The following ZFYVE26 variants were observed in gnomAD, a reference collection of about 807,000 sequenced individuals.
The protein encoded by ZFYVE26 is zinc finger FYVE domain-containing protein 26.
ZFYVE26 carries 181 observed loss-of-function variants against 276.5 expected under a neutral mutation model. The ratio of observed to expected loss-of-function variants is 0.65; its 90% CI spans 0.58 to 0.74. The LOEUF (loss-of-function observed/expected upper bound fraction) is 0.74. ZFYVE26 is among the 30% of genes least tolerant of loss of function. The pLI, the probability that ZFYVE26 is intolerant of heterozygous loss-of-function variation, is 0.00. For synonymous variants in ZFYVE26, 1,129 were observed against 1,203.1 expected (o/e 0.94, Z 1.27); for missense variants, 2,821 against 3,097.9 (o/e 0.91, Z 2.12).
At chr14:67,762,114 A>G (rs2038947143) in intron 34 of ZFYVE26, 89 bp downstream of exon 34, 1 of 1,484,592 alleles carries the variant, frequency 6.7e-7, no homozygotes, top group East Asian at 2.3e-5. Flanking sequence ...TGACACTGTT[A>G]GCTGAATTTC....
chr14:67,799,850 G>A (rs183816694), intron 10 of ZFYVE26, among the ~76,000 whole-genome samples: 8 of 152,076 alleles, frequency 5.3e-5, no homozygotes, highest in East Asian at 1.9e-4. Context: ...TTGGGAGGGC[G>A]GAGGGAGGCA....
Position 67,762,276 on chromosome 14 carries a change from A to G in ZFYVE26, c.6296T>C (p.Leu2099Pro). 6.2e-7 allele frequency: 1 copy of G among 1,614,130 alleles called. No individual in the cohort carries two copies. The highest frequency in any genetic ancestry group is 8.5e-7 in the Non-Finnish European group (1 of 1,180,022). The change falls in exon 34 of 42, where the codon CTG (leucine) becomes CCG (proline). Residue 2099 changes from leucine (L) to proline (P), a missense_variant. By Grantham distance (98) the Leu-to-Pro change is moderately conservative. Coordinates refer to ENST00000347230, the MANE Select transcript of ZFYVE26 (RefSeq NM_015346.4). ...CTGCACCAGCCTTGAGCCATGATTC[A>G]GCTGATTGAGGTCAAATGGGGGCTT... ...CLKPPFDLNQLNHGSRLVQDV... is the reference protein window; with the variant it reads ...CLKPPFDLNQPNHGSRLVQDV...
At chr14:67,790,892 G>T in intron 14 of ZFYVE26, 119 bp from the exon 15 acceptor site, 1 of 914,214 alleles carries the variant, frequency 1.1e-6, no homozygotes. Context: ...GTGCTTTGTA[G>T]GGTCAGAAGA....
intron 13 of ZFYVE26, chr14:67,735,344 G>C: frequency 1.3e-6 from 1 of 765,314 alleles, no homozygotes; most frequent in Non-Finnish European, 2.4e-6. Flanking sequence ...CATCTAGTCT[G>C]CTCAGCCTGG....
rs755356740 is a variant in ZFYVE26, at chr14:67,805,403, G to A, written c.1182+51C>T. 37 of 1,613,680 alleles carry A rather than the reference G, an allele frequency of 2.3e-5. No individual in the cohort carries two copies. In the South Asian group the frequency reaches 4.1e-4, roughly 18 times the overall value. The stretch of plus-strand genomic sequence containing the variant: ...GCTCTGCATTCAGCCTAAGCCCGAA[G>A]CCCCACGTCTCTCACTTCCAGAGCA... On this transcript the variant is annotated intron_variant, in intron 7 of 41. Coordinates refer to ENST00000347230, the MANE Select transcript of ZFYVE26 (RefSeq NM_015346.4).
intron 25 of ZFYVE26, 116 bp downstream of exon 25, chr14:67,777,443 T>C: frequency 6.5e-7 from 1 of 1,550,070 alleles, no homozygotes; most frequent in Non-Finnish European, 8.9e-7. Flanking sequence ...AAAAGGCAAG[T>C]TCTGAAGAAG....
chr14:67,745,929 CAAAAAAAAAAAAAAAAAAAAAAAAAA>C (rs61448179), downstream of ZFYVE26, among the ~76,000 whole-genome samples: 6 of 57,524 alleles, frequency 1.0e-4, no homozygotes, highest in South Asian at 1.1e-3. Flanking sequence ...GACCCTGTCT[CAAAAAAAAAAAAAAAAAAAAAAAAAA>C]AAAAAAAAAA....
Position 67,761,372 on chromosome 14 carries a change from G to A in ZFYVE26, c.6582C>T (p.Leu2194=), listed in dbSNP as rs1187035716. 3.8e-5 allele frequency: 62 copies of A among 1,612,378 alleles called. No homozygotes were observed. Among genetic ancestry groups the A allele is most frequent in the Non-Finnish European group, 5.0e-5 (59 of 1,179,166 alleles). ...AGCTGTGTCCATGTCCCACCTTGTTGAGAAGGTGCAGAAGAGCTTCCCGCA... is the reference window on the plus strand; with the variant it reads ...AGCTGTGTCCATGTCCCACCTTGTTAAGAAGGTGCAGAAGAGCTTCCCGCA... ...SCLREALLHL[L]NKESPPEVFI... is the part of the protein sequence containing the mutation. Residue 2194 remains leucine (L), a synonymous_variant, in exon 35 of 42, where the codon CTC becomes CTT. Transcript: ENST00000347230.
intron 9 of ZFYVE26, among the ~76,000 whole-genome samples, chr14:67,803,659 C>T (rs1594935032): frequency 2.6e-5 from 4 of 151,704 alleles, no homozygotes; most frequent in Admixed American, 2.0e-4. Flanking sequence ...AGTCTTTCTT[C>T]TAAATCTCCT....
rs759501790 is a variant in ZFYVE26 at position 67,769,755 on chromosome 14, AG to A, written c.5485-26del. On this transcript the variant is annotated intron_variant, in intron 28 of 41. Coordinates refer to ENST00000347230, the MANE Select transcript of ZFYVE26 (RefSeq NM_015346.4). ...ACTGAGGAATGCCATCAGGAGGAGA[AG>A]AAAGAGGGAGGAGAGAAGGGGAGAT... The A allele has an allele frequency of 3.1e-6, 5 of 1,613,912 alleles. No individual in the cohort carries two copies. The East Asian group carries it at 8.9e-5, about 29-fold the overall frequency.
Position 67,762,717 on chromosome 14 carries a change from T to C in ZFYVE26, c.6114A>G (p.Leu2038=), listed in dbSNP as rs1429703266. ...ACTCGGCTTCCAAAAGCTGGTTCCT[T>C]AGCCTGGTTACTGCAGCTGGCTGCA... ...QILQPAAVTR[L]RNQLLEAEYY... Residue 2038 remains leucine (L), a synonymous_variant, in exon 33 of 42, where the codon CTA becomes CTG. Transcript: ENST00000347230. 1.9e-6 allele frequency: 3 copies of C among 1,614,128 alleles called. No individual in the cohort carries two copies. Among genetic ancestry groups the C allele is most frequent in the Non-Finnish European group, 2.5e-6 (3 of 1,180,042 alleles).
intron 14 of ZFYVE26, among the ~76,000 whole-genome samples, chr14:67,792,930 A>AAAG (rs1555398576): frequency 6.6e-6 from 1 of 150,428 alleles, no homozygotes; most frequent in Non-Finnish European, 1.5e-5. Context: ...AAAAAAAAAA[A>AAAG]AAAAGAAAAG....
chr14:67,769,912 T>C, intron 28 of ZFYVE26, 182 bp from the exon 29 acceptor site: 2 of 807,218 alleles, frequency 2.5e-6, no homozygotes, highest in Admixed American at 2.3e-5. Context: ...TTTAAAAATA[T>C]CTGTCAGCTG....
intron 23 of ZFYVE26, 75 bp downstream of exon 23, chr14:67,780,166 G>T (rs2039459184): frequency 1.6e-6 from 2 of 1,288,954 alleles, no homozygotes; most frequent in Admixed American, 3.7e-5. Flanking sequence ...ATGCAGAAAG[G>T]GGCTTATACA....
rs1238937328 is a variant in ZFYVE26, at chr14:67,753,786, A to T, written c.7129-20T>A. On this transcript the variant is annotated intron_variant, in intron 38 of 41. Coordinates refer to ENST00000347230, the MANE Select transcript of ZFYVE26 (RefSeq NM_015346.4). ...CATGACCTGAAAAGGAAAGGGAATC[A>T]TGCTTAAAAACATGGCAATTACTAG... 6.2e-7 allele frequency: 1 copy of T among 1,612,022 alleles called. No individual in the cohort carries two copies.
rs1197223861 is a variant in ZFYVE26, at chr14:67,733,835, T to C, written n.2680-4016A>G. The C allele has an allele frequency of 1.9e-6, 3 of 1,612,310 alleles. No homozygotes were observed. The highest frequency in any genetic ancestry group is 1.7e-5 in the Admixed American group (1 of 59,966). On this transcript the variant is annotated intron_variant and non_coding_transcript_variant, in intron 13 of 14. Coordinates refer to the ZFYVE26 transcript ENST00000394455. ...AATGTCAGCTGTGAGCTTCTAGGAATCCGGTGGGAGTAGCTGGTGGAAGAG... is the reference window on the plus strand; with the variant it reads ...AATGTCAGCTGTGAGCTTCTAGGAACCCGGTGGGAGTAGCTGGTGGAAGAG...
chr14:67,795,445 T>G (rs1278322462), intron 12 of ZFYVE26, among the ~76,000 whole-genome samples: 1 of 152,246 alleles, frequency 6.6e-6, no homozygotes, highest in Non-Finnish European at 1.5e-5. Context: ...CAGGTCATGC[T>G]GATATCCTCT....
rs763208198 is a variant in ZFYVE26 at position 67,785,183 on chromosome 14, G to T, written c.3399C>A (p.Leu1133=). ...TCTGTTTGCCCAGGTTCTTCTGGAG[G>T]AGCTGAGTCTGGATCTGCACAGGGT... ...EAHPVQIQTQ[L]LQKNLGKQTP... The change falls in exon 19 of 42, where the codon CTC becomes CTA. Residue 1133 remains leucine (L), a synonymous_variant. Transcript: ENST00000347230. The T allele has an allele frequency of 6.2e-7, 1 of 1,614,184 alleles. No individual in the cohort carries two copies. The highest frequency in any genetic ancestry group is 1.1e-5 in the South Asian group (1 of 91,086).
At chr14:67,779,459 G>A (rs1340060886) in intron 23 of ZFYVE26, among the ~76,000 whole-genome samples, 1 of 152,168 alleles carries the variant, frequency 6.6e-6, no homozygotes, top group Non-Finnish European at 1.5e-5. Context: ...CTACTTGGGA[G>A]CCTGAGGCAG....
Sources: gnomAD v4.1 joint callset for allele counts (sites outside exome capture counted in the v4.1 genomes callset) on GRCh38, gnomAD v4.1.1 for gene constraint, MANE v1.5 for transcripts, NCBI Gene and HGNC (gene_info 2026-07-23, HGNC 2026-07-21) for gene names.